STXBP4: variants seen among roughly 807,000 people sequenced by gnomAD.
The protein encoded by STXBP4 is syntaxin-binding protein 4.
STXBP4 carries 55 observed loss-of-function variants against 76.1 expected under a neutral mutation model. The observed-to-expected ratio is 0.72, with a 90% CI of 0.58 to 0.91. STXBP4 has a LOEUF of 0.91. STXBP4 is among the 40% of genes least tolerant of loss of function. The pLI is 0.00. For missense variants in STXBP4, 618 were observed against 636.9 expected (o/e 0.97, Z 0.32); for synonymous variants, 201 against 220.2 (o/e 0.91, Z 0.77).
In STXBP4 at chr17:55,000,852, A is replaced by G; in HGVS notation, c.543A>G (p.Ser181=). The change falls in exon 7 of 18, where the codon TCA becomes TCG. Residue 181 remains serine, a synonymous_variant. Transcript: ENST00000376352. ...AAACAGTACAGATTCCAATTACTTC[A>G]GAAAACAGTACTGTGGGTTTGTCTA... ...YNKTVQIPIT[S]ENSTVGLSNT... The G allele has an allele frequency of 6.2e-7, 1 of 1,610,450 alleles. No individual in the cohort carries two copies.
chr17:54,983,193 G>A (rs1160842671), intron 1 of STXBP4, among the ~76,000 whole-genome samples: 1 of 152,152 alleles, frequency 6.6e-6, no homozygotes, highest in African/African-American at 2.4e-5. Context: ...ACTGCTGTCA[G>A]AGCACTTCAC....
At chr17:55,040,015 A>G (rs1275708024) in intron 10 of STXBP4, among the ~76,000 whole-genome samples, 1 of 152,140 alleles carries the variant, frequency 6.6e-6, no homozygotes, top group Non-Finnish European at 1.5e-5. Context: ...GGGAAAAAAG[A>G]GAAAAGGGAC....
chr17:55,091,522 C>T (rs1349933111), intron 16 of STXBP4, among the ~76,000 whole-genome samples: 2 of 152,090 alleles, frequency 1.3e-5, no homozygotes, highest in Admixed American at 6.6e-5. Flanking sequence ...TCACACCTGA[C>T]CTCATGTGAT....
At chr17:55,136,946 A>G (rs527699045) in intron 16 of STXBP4, among the ~76,000 whole-genome samples, 2 of 152,284 alleles carry the variant, frequency 1.3e-5, no homozygotes, top group Admixed American at 6.5e-5. Flanking sequence ...TAATTTCATT[A>G]CTATTAATAA....
chr17:55,021,786 CTA>C (rs1177131490), intron 8 of STXBP4, among the ~76,000 whole-genome samples: 2 of 151,966 alleles, frequency 1.3e-5, no homozygotes, highest in Non-Finnish European at 2.9e-5. Flanking sequence ...TAAAATGTTA[CTA>C]TGTTATTTTT....
rs192532896 is a variant in STXBP4, at chr17:55,168,518, G to T, written c.*8607G>T. ...CATTATTTTGTGTGTAACTGAAAAT[G>T]AAAAAAAGATTTAAAATATGACTTA... On this transcript the variant is annotated 3_prime_UTR_variant, in exon 18 of 18. Transcript: ENST00000376352. 8.6e-4 allele frequency: 131 copies of T among 151,952 alleles called. No individual in the cohort carries two copies. The highest frequency in any genetic ancestry group is 3.1e-3 in the African/African-American group (128 of 41,484). The allele number at this position is 151,952 out of a possible 1,614,324, so 9.4% of individuals were successfully genotyped here.
intron 16 of STXBP4, among the ~76,000 whole-genome samples, chr17:55,113,217 CCACACACACACACACACA>C (rs10611316): frequency 6.7e-4 from 95 of 141,422 alleles, no homozygotes; most frequent in African/African-American, 2.0e-3. Flanking sequence ...GGTGCTCTTA[CCACACACACACACACACA>C]CACACACACA....
the STXBP4 span, among the ~76,000 whole-genome samples, chr17:55,206,782 G>A: frequency 5.3e-5 from 8 of 149,700 alleles, no homozygotes; most frequent in African/African-American, 1.7e-4. Flanking sequence ...TCTTGAACCC[G>A]GAAGGGGGAG....
chr17:55,197,199 C>T, the STXBP4 span, among the ~76,000 whole-genome samples: 2 of 152,158 alleles, frequency 1.3e-5, no homozygotes, highest in Admixed American at 6.5e-5. Context: ...CCAGGTGATT[C>T]TAATGTGCAG....
At chr17:55,211,796 G>GTTTTTTTTTTTTTTTTTTTTTTTTT in the STXBP4 span, among the ~76,000 whole-genome samples, 1 of 35,000 alleles carries the variant, frequency 2.9e-5, no homozygotes, top group Admixed American at 3.0e-4. Flanking sequence ...CCTGTTTTTT[G>GTTTTTTTTTTTTTTTTTTTTTTTTT]TTGTTTTTTT....
intron 17 of STXBP4, among the ~76,000 whole-genome samples, chr17:55,151,244 G>A (rs1012265851): frequency 1.3e-5 from 2 of 152,182 alleles, no homozygotes; most frequent in African/African-American, 4.8e-5. Context: ...GAAGTAGAGT[G>A]GGGAGGGTAG....
intron 12 of STXBP4, among the ~76,000 whole-genome samples, chr17:55,061,247 G>A (rs17210043): frequency 0.2 from 29,830 of 152,094 alleles, 3,499 homozygotes; most frequent in East Asian, 0.49. Context: ...TCTTTAAAAG[G>A]AACAACAATA....
intron 15 of STXBP4, among the ~76,000 whole-genome samples, chr17:55,079,455 A>G (rs1297378866): frequency 6.6e-6 from 1 of 152,094 alleles, no homozygotes; most frequent in Non-Finnish European, 1.5e-5. Flanking sequence ...ATACGCTTGC[A>G]GAAACAGGAA....
chr17:55,128,596 TTTTG>T (rs77698622), intron 16 of STXBP4, among the ~76,000 whole-genome samples: 3,314 of 152,162 alleles, frequency 0.022, 45 homozygotes, highest in Middle Eastern at 0.058. Flanking sequence ...TTCATAGTCC[TTTTG>T]TTTGTTTGTT....
intron 10 of STXBP4, among the ~76,000 whole-genome samples, chr17:55,035,408 A>G (rs1000548768): frequency 5.3e-5 from 8 of 151,852 alleles, no homozygotes; most frequent in African/African-American, 1.9e-4. Context: ...TTTATGCTCA[A>G]AATTTTATCT....
At chr17:55,028,989 AT>A (rs1470955815) in intron 8 of STXBP4, among the ~76,000 whole-genome samples, 2 of 152,110 alleles carry the variant, frequency 1.3e-5, no homozygotes, top group Admixed American at 1.3e-4. Context: ...TTTTCTAGGG[AT>A]ATAATGTAGA....
At chr17:55,185,326 T>TCTCCTTCTCCTTCTCCTCCTCCTC in the STXBP4 span, among the ~76,000 whole-genome samples, 11 of 74,706 alleles carry the variant, frequency 1.5e-4, no homozygotes, top group African/African-American at 4.6e-4. Context: ...TCCTTCTCCT[T>TCTCCTTCTCCTTCTCCTCCTCCTC]CTCCTCCTCC....
intron 12 of STXBP4, 77 bp downstream of exon 12, chr17:55,047,231 A>G: frequency 1.2e-6 from 1 of 822,140 alleles, no homozygotes; most frequent in Admixed American, 2.5e-5. Context: ...CATATGAGGT[A>G]TAATTATAAA....
At chr17:55,031,788 A>G (rs2078513857) in intron 9 of STXBP4, among the ~76,000 whole-genome samples, 1 of 152,114 alleles carries the variant, frequency 6.6e-6, no homozygotes, top group Admixed American at 6.6e-5. Context: ...CCCTCCACAT[A>G]TGTGGCTTTT....
Sources: gnomAD v4.1 joint callset for allele counts (sites outside exome capture counted in the v4.1 genomes callset) on GRCh38, gnomAD v4.1.1 for gene constraint, MANE v1.5 for transcripts, NCBI Gene and HGNC (gene_info 2026-07-23, HGNC 2026-07-21) for gene names.